ADCY10: variants seen among roughly 807,000 people sequenced by gnomAD.
ADCY10 encodes adenylate cyclase type 10.
Under a neutral mutation model 183.3 loss-of-function variants are expected in ADCY10, and 156 were observed. That is an observed-to-expected ratio of 0.85 (90% CI 0.75 to 0.97). The LOEUF (loss-of-function observed/expected upper bound fraction) is 0.97, where lower values mean the gene tolerates loss of function less well. Ranked by LOEUF, ADCY10 falls within the 50% of genes least tolerant of loss-of-function variation. The pLI, the probability that ADCY10 is intolerant of heterozygous loss-of-function variation, is 0.00. For synonymous variants in ADCY10, 645 were observed against 670.0 expected (o/e 0.96, Z 0.58); for missense variants, 1,745 against 1,934.3 (o/e 0.90, Z 1.84).
chr1:167,913,142 C>T (rs911501283), intron 1 of ADCY10, among the ~76,000 whole-genome samples: 11 of 152,076 alleles, frequency 7.2e-5, no homozygotes, highest in Admixed American at 2.0e-4. Flanking sequence ...TGGGTACTGA[C>T]AAAGCGCGGA....
chr1:167,861,895 G>A (rs1184679566), intron 14 of ADCY10, among the ~76,000 whole-genome samples: 1 of 152,112 alleles, frequency 6.6e-6, no homozygotes, highest in Non-Finnish European at 1.5e-5. Context: ...GAGATTTGAT[G>A]GTTTAAAAGT....
At chr1:167,882,399 C>T (rs1259317794) in intron 9 of ADCY10, among the ~76,000 whole-genome samples, 5 of 149,040 alleles carry the variant, frequency 3.4e-5, no homozygotes, top group African/African-American at 7.4e-5. Context: ...TCAAGAGAAT[C>T]GCTTGAACCC....
chr1:167,867,108 G>T (rs1410199983), intron 14 of ADCY10, among the ~76,000 whole-genome samples: 1 of 152,096 alleles, frequency 6.6e-6, no homozygotes, highest in South Asian at 2.1e-4. Flanking sequence ...CCTAAACCCC[G>T]CCACCTTGCT....
chr1:167,845,927 A>G (rs777921689), intron 20 of ADCY10, 58 bp downstream of exon 20: 122 of 1,613,966 alleles, frequency 7.6e-5, no homozygotes, highest in Non-Finnish European at 9.7e-5. Context: ...ACATAGGTCA[A>G]TTCTTTGATC....
chr1:167,822,771 C>T (rs552431429), intron 29 of ADCY10, among the ~76,000 whole-genome samples: 15 of 152,296 alleles, frequency 9.8e-5, no homozygotes, highest in Middle Eastern at 3.4e-3. Flanking sequence ...GTTTAACTGG[C>T]AGCTCATATC....
rs748327794 is a variant in ADCY10 at position 167,846,113 on chromosome 1, G to A, written c.2588C>T (p.Thr863Ile). 13 of 1,614,160 alleles carry A rather than the reference G, an allele frequency of 8.1e-6. No homozygotes were observed. The highest frequency in any genetic ancestry group is 1.1e-5 in the Non-Finnish European group (13 of 1,180,024). Reference sequence around the variant, plus strand: ...ATAAAAAATGTTAGATTCCACTAGGGTTGCCAGGGTCTTGATCATCATCTT... The same window carrying A: ...ATAAAAAATGTTAGATTCCACTAGGATTGCCAGGGTCTTGATCATCATCTT... ...NMKMMIKTLATLVESNIFYCF... is the reference protein window; with the variant it reads ...NMKMMIKTLAILVESNIFYCF... Residue 863 changes from threonine to isoleucine, a missense_variant, in exon 20 of 33, where the codon ACC (threonine) becomes ATC (isoleucine). Physicochemically the swap from Thr to Ile is moderately conservative, Grantham distance 89. Transcript: ENST00000367851.
chr1:167,910,172 CTCG>C (rs1208880021), intron 1 of ADCY10, among the ~76,000 whole-genome samples: 3 of 152,210 alleles, frequency 2.0e-5, no homozygotes, highest in Admixed American at 1.3e-4. Context: ...TTGTCTGTGG[CTCG>C]TCCTGCTACA....
chr1:167,848,534 C>T, intron 18 of ADCY10, 45 bp from the exon 19 acceptor site: 1 of 1,609,686 alleles, frequency 6.2e-7, no homozygotes, highest in Non-Finnish European at 8.5e-7. Flanking sequence ...ATTATCCTGT[C>T]TTATAAGGTC....
chr1:167,887,199 T>C (rs552525408), intron 8 of ADCY10, among the ~76,000 whole-genome samples: 104 of 152,304 alleles, frequency 6.8e-4, no homozygotes, highest in African/African-American at 2.4e-3. Flanking sequence ...TTACTGGGTA[T>C]GTACCCAAAG....
In ADCY10 at chr1:167,882,305, C is replaced by T. The variant is rs569421117; in HGVS notation, c.1020+1132G>A. On this transcript the variant is annotated intron_variant, in intron 9 of 32. Coordinates refer to ENST00000367851, the MANE Select transcript of ADCY10 (RefSeq NM_018417.6). ...TTCGAGACCCACCTGGCCAACATGGCGAAACCTCATCTCTACTAAAAATAC... is the reference window on the plus strand; with the variant it reads ...TTCGAGACCCACCTGGCCAACATGGTGAAACCTCATCTCTACTAAAAATAC... Among the ~76,000 whole-genome samples, 9 of 151,814 alleles carry T rather than the reference C, an allele frequency of 5.9e-5. No individual in the cohort carries two copies. In the East Asian group the frequency reaches 1.4e-3, roughly 23 times the overall value.
At chr1:167,864,411 G>C (rs1666522448) in intron 14 of ADCY10, among the ~76,000 whole-genome samples, 1 of 152,172 alleles carries the variant, frequency 6.6e-6, no homozygotes, top group African/African-American at 2.4e-5. Flanking sequence ...CCATCAGAAG[G>C]AAGCCTAGAC....
At chr1:167,830,292 T>C (rs979381328) in intron 25 of ADCY10, among the ~76,000 whole-genome samples, 1 of 151,982 alleles carries the variant, frequency 6.6e-6, no homozygotes, top group African/African-American at 2.4e-5. Context: ...TCTGTGGTTT[T>C]GTGTTTTTTT....
At chr1:167,905,627 C>T (rs1669761879) in intron 1 of ADCY10, among the ~76,000 whole-genome samples, 1 of 148,326 alleles carries the variant, frequency 6.7e-6, no homozygotes, top group East Asian at 2.0e-4. Flanking sequence ...AGATGTGATT[C>T]GTGTGTGTGA....
Position 167,875,058 on chromosome 1 carries a change from A to T in ADCY10, c.1462+73T>A. The T allele has an allele frequency of 2.5e-6, 3 of 1,185,254 alleles. No individual in the cohort carries two copies. In the South Asian group the frequency reaches 3.6e-5, roughly 14 times the overall value. The allele number at this position is 1,185,254 out of a possible 1,614,324, so 73.4% of individuals were successfully genotyped here. A position where few individuals can be genotyped will look rare whatever the true frequency, so the allele number is the denominator to read the frequency against. On this transcript the variant is annotated intron_variant, in intron 13 of 32. Transcript: ENST00000367851. ...TGATAATTCATTAAGCTGCACAGTT[A>T]TCATTGATGTACTTTTCTGCATGTT...
chr1:167,828,813 T>G (rs1387107964), intron 26 of ADCY10, among the ~76,000 whole-genome samples: 2 of 151,902 alleles, frequency 1.3e-5, no homozygotes, highest in South Asian at 4.2e-4. Context: ...AATACAAAAA[T>G]TAGCTGGGTG....
rs758909831 is a variant in ADCY10, at chr1:167,878,636, C to A, written c.1217-1G>T. 1 of 1,613,616 alleles carries A rather than the reference C, an allele frequency of 6.2e-7. No individual in the cohort carries two copies. Among genetic ancestry groups the A allele is most frequent in the East Asian group, 2.2e-5 (1 of 44,892 alleles). ...GCTAAGTTGACTTTTTGACCAATGA[C>A]TATAGCAAGAAAGAGAAAGTCAAAG... On this transcript the variant is annotated splice_acceptor_variant, in intron 11 of 32. Transcript: ENST00000367851. LOFTEE classifies it high-confidence loss of function.
intron 25 of ADCY10, among the ~76,000 whole-genome samples, chr1:167,830,052 C>CT (rs766054818): frequency 6.6e-6 from 1 of 152,184 alleles, no homozygotes; most frequent in African/African-American, 2.4e-5. Flanking sequence ...CCTTTTGTTC[C>CT]TTAGCAGACA....
At chr1:167,859,999 T>C in intron 15 of ADCY10, 106 bp from the exon 16 acceptor site, 1 of 905,750 alleles carries the variant, frequency 1.1e-6, no homozygotes, top group Non-Finnish European at 1.8e-6. Flanking sequence ...CTTAAAATCC[T>C]CATGTGTTAG....
intron 8 of ADCY10, 88 bp downstream of exon 8, chr1:167,893,765 C>T: frequency 1.4e-6 from 1 of 716,474 alleles, no homozygotes; most frequent in Non-Finnish European, 2.4e-6. Flanking sequence ...TTACTAGTAG[C>T]TGCTGTTTTT....
Sources: allele counts gnomAD v4.1 joint callset (sites outside exome capture counted in the v4.1 genomes callset), GRCh38; gene constraint gnomAD v4.1.1; transcripts MANE v1.5; gene names NCBI Gene and HGNC (gene_info 2026-07-23, HGNC 2026-07-21).